Variants in EDEM2 observed in about 807,000 individuals in gnomAD.
EDEM2 encodes ER degradation-enhancing alpha-mannosidase-like protein 2.
EDEM2 carries 39 observed loss-of-function variants against 64.8 expected under a neutral mutation model. The ratio of observed to expected loss-of-function variants is 0.60; its 90% CI spans 0.47 to 0.79. The LOEUF is 0.79. EDEM2 is among the 30% of genes least tolerant of loss of function. EDEM2 has a pLI of 0.00. For missense variants in EDEM2, 609 were observed against 731.3 expected, an observed-to-expected ratio of 0.83 and a Z score of 1.93; for synonymous variants, 296 against 291.5, an observed-to-expected ratio of 1.02 and a Z score of -0.16.
intron 10 of EDEM2, 84 bp from the exon 11 acceptor site, chr20:35,116,017 C>A: frequency 6.7e-7 from 1 of 1,485,196 alleles, no homozygotes; most frequent in Non-Finnish European, 9.2e-7. Context: ...AAGGCCTGTT[C>A]TGCCACAAAG....
At chr20:35,134,669 C>A in intron 6 of EDEM2, 69 bp downstream of exon 6, 3 of 1,567,592 alleles carry the variant, frequency 1.9e-6, no homozygotes, top group Non-Finnish European at 2.6e-6. Context: ...GGCTTGACTG[C>A]AACTTATTGC....
At chr20:35,135,941 G>A (rs1026300506) in intron 5 of EDEM2, among the ~76,000 whole-genome samples, 3 of 152,204 alleles carry the variant, frequency 2.0e-5, no homozygotes, top group Non-Finnish European at 4.4e-5. Flanking sequence ...CACCCAAGTG[G>A]CACCCAAGTG....
intron 3 of EDEM2, 126 bp downstream of exon 3, chr20:35,144,853 A>G (rs2085707036): frequency 9.2e-7 from 1 of 1,091,154 alleles, no homozygotes; most frequent in East Asian, 2.4e-5. Context: ...GACGCTTCAG[A>G]ATCATGAGAT....
intron 10 of EDEM2, 50 bp from the exon 11 acceptor site, chr20:35,115,983 G>T (rs954195673): frequency 6.3e-7 from 1 of 1,576,958 alleles, no homozygotes; most frequent in Non-Finnish European, 8.6e-7. Context: ...CAATTTAGTA[G>T]TAAGGGTCAG....
chr20:35,119,641 CG>C (rs1432637457), intron 9 of EDEM2, among the ~76,000 whole-genome samples: 6 of 151,812 alleles, frequency 4.0e-5, no homozygotes, highest in Non-Finnish European at 8.8e-5. Flanking sequence ...ACCACCAAAC[CG>C]TCAATCTAAC....
intron 7 of EDEM2, among the ~76,000 whole-genome samples, chr20:35,130,156 C>T (rs1471665524): frequency 6.6e-6 from 1 of 152,130 alleles, no homozygotes; most frequent in Non-Finnish European, 1.5e-5. Context: ...GCACCCTTGA[C>T]CTCCCAGGGT....
At position 35,129,300 on chromosome 20, in the gene EDEM2, G is replaced by C. The variant is rs1208676279; in HGVS notation, c.844+2342C>G. Among the ~76,000 whole-genome samples the C allele has an allele frequency of 3.3e-5, 5 of 151,980 alleles. No individual in the cohort carries two copies. In the East Asian group the frequency reaches 7.7e-4, roughly 23 times the overall value. ...CGTGCACCTGTAATCCCAGCTACTC[G>C]GGAGGCTGAGGAAGGAGAATTGCTA... is the stretch of plus-strand genomic sequence containing the variant. On this transcript the variant is annotated intron_variant, in intron 7 of 10. Coordinates refer to ENST00000374492, the MANE Select transcript of EDEM2 (RefSeq NM_018217.3).
intron 7 of EDEM2, 118 bp downstream of exon 7, chr20:35,131,523 GC>G: frequency 8.0e-7 from 1 of 1,255,596 alleles, no homozygotes; most frequent in Non-Finnish European, 1.1e-6. Context: ...CCTAGATTGT[GC>G]CACTGCACTC....
At chr20:35,134,012 C>T (rs998977698) in intron 6 of EDEM2, 11 of 442,330 alleles carry the variant, frequency 2.5e-5, no homozygotes, top group Non-Finnish European at 4.1e-5. Context: ...GGCTTGAATC[C>T]AGTTCTGACT....
Position 35,115,863 on chromosome 20 carries a change from T to C in EDEM2, c.1307A>G (p.Tyr436Cys). 6.2e-7 allele frequency: 1 copy of C among 1,614,090 alleles called. No individual in the cohort carries two copies. Among genetic ancestry groups the C allele is most frequent in the Non-Finnish European group, 8.5e-7 (1 of 1,180,026 alleles). Residue 436 changes from tyrosine (Y) to cysteine (C), a missense_variant, in exon 11 of 11, where the codon TAC becomes TGC. Transcript: ENST00000374492. ...GGTTGGGTCAAACAGGAGGTAGAGG[T>C]ATTTCACAGTCTCGGCCAGGAAGAA... ...ESFFLAETVK[Y>C]LYLLFDPTNF...
rs980196630 is a variant in EDEM2, at chr20:35,147,330, C to T, written c.-72G>A. 3 of 1,369,572 alleles carry T rather than the reference C, an allele frequency of 2.2e-6. No homozygotes were observed. The highest frequency in any genetic ancestry group is 2.9e-6 in the Non-Finnish European group (3 of 1,051,986). 84.8% of individuals were successfully genotyped at this position (1,369,572 alleles called of 1,614,324 possible). A position where few individuals can be genotyped will look rare whatever the true frequency, so the allele number is the denominator to read the frequency against. On this transcript the variant is annotated 5_prime_UTR_variant, in exon 1 of 11. Coordinates refer to ENST00000374492, the MANE Select transcript of EDEM2 (RefSeq NM_018217.3). ...AACCAGTTCATCCTGGGAGCTGCTG[C>T]GGGTTCTTCCGGGAATCCGCGCCAC...
intron 7 of EDEM2, among the ~76,000 whole-genome samples, chr20:35,127,865 A>G (rs573917644): frequency 2.1e-4 from 32 of 152,344 alleles, no homozygotes; most frequent in Non-Finnish European, 1.6e-4. Flanking sequence ...ATTATAATAG[A>G]GGTGAAAAAT....
chr20:35,131,825 T>C (rs1386449515), intron 6 of EDEM2, 42 bp from the exon 7 acceptor site: 2 of 1,600,062 alleles, frequency 1.2e-6, no homozygotes, highest in Non-Finnish European at 8.5e-7. Flanking sequence ...GGAAGGCCGA[T>C]GGCCAAAGAA....
At chr20:35,137,422 C>A (rs1481267241) in intron 5 of EDEM2, among the ~76,000 whole-genome samples, 1 of 152,126 alleles carries the variant, frequency 6.6e-6, no homozygotes, top group African/African-American at 2.4e-5. Context: ...CCATCACAAA[C>A]AAACAAACAA....
Position 35,134,967 on chromosome 20 carries a change from T to G in EDEM2, c.491-18A>C. The G allele has an allele frequency of 1.9e-6, 3 of 1,612,144 alleles. No homozygotes were observed. In the South Asian group the frequency reaches 3.3e-5, roughly 18 times the overall value. On this transcript the variant is annotated intron_variant, in intron 5 of 10. Coordinates refer to ENST00000374492, the MANE Select transcript of EDEM2 (RefSeq NM_018217.3). ...CTGAAAGGCTGAACAATCGACAAAT[T>G]ATGATCCCGGACAGGAGCAGGGGGA... is the stretch of plus-strand genomic sequence containing the variant.
chr20:35,120,559 A>C (rs2085355509), intron 9 of EDEM2, among the ~76,000 whole-genome samples: 1 of 147,406 alleles, frequency 6.8e-6, no homozygotes, highest in Non-Finnish European at 1.5e-5. Context: ...CCCTCATGGG[A>C]GGCCTCCTCT....
At chr20:35,129,978 A>G (rs2085486273) in intron 7 of EDEM2, among the ~76,000 whole-genome samples, 1 of 152,180 alleles carries the variant, frequency 6.6e-6, no homozygotes, top group Non-Finnish European at 1.5e-5. Flanking sequence ...TAACGATGCA[A>G]TTCTCAGACT....
intron 4 of EDEM2, among the ~76,000 whole-genome samples, chr20:35,138,506 G>A (rs1225624868): frequency 6.6e-6 from 1 of 152,154 alleles, no homozygotes; most frequent in East Asian, 1.9e-4. Context: ...CATACCTGGG[G>A]GGAAGGGGTA....
At chr20:35,121,136 T>C (rs1481169970) in intron 9 of EDEM2, among the ~76,000 whole-genome samples, 1 of 152,224 alleles carries the variant, frequency 6.6e-6, no homozygotes, top group Non-Finnish European at 1.5e-5. Flanking sequence ...GTGCATTACA[T>C]TTATTGTGCA....
Sources: gnomAD v4.1 joint callset for allele counts (sites outside exome capture counted in the v4.1 genomes callset) on GRCh38, gnomAD v4.1.1 for gene constraint, MANE v1.5 for transcripts, NCBI Gene and HGNC (gene_info 2026-07-23, HGNC 2026-07-21) for gene names.